KICS2: variants seen among roughly 807,000 people sequenced by gnomAD.
KICS2 encodes the protein KICSTOR subunit 2.
KICS2 carries 13 observed loss-of-function variants against 31.4 expected under a neutral mutation model. That is an observed-to-expected ratio of 0.41 (90% CI 0.27 to 0.66). The LOEUF (loss-of-function observed/expected upper bound fraction) is 0.66, where lower values mean the gene tolerates loss of function less well. Ranked by LOEUF, KICS2 falls within the 30% of genes least tolerant of loss-of-function variation. The probability of loss-of-function intolerance (pLI) is 0.28; values close to 1 mark genes in which losing one functional copy is unlikely to be tolerated. For synonymous variants in KICS2, 209 were observed against 214.8 expected, an observed-to-expected ratio of 0.97 and a Z score of 0.24; for missense variants, 455 against 545.4, an observed-to-expected ratio of 0.83 and a Z score of 1.65.
intron 2 of KICS2, among the ~76,000 whole-genome samples, chr12:64,214,751 T>C (rs1219777588): frequency 6.6e-6 from 1 of 152,056 alleles, no homozygotes; most frequent in Non-Finnish European, 1.5e-5. Context: ...CATAGTGGCA[T>C]GTGCCTGTAA....
chr12:64,199,632 G>C (rs960743657), intron 2 of KICS2, among the ~76,000 whole-genome samples: 1 of 149,592 alleles, frequency 6.7e-6, no homozygotes, highest in African/African-American at 2.5e-5. Context: ...GAAATAAAGG[G>C]TATCCAATTA....
Position 64,193,450 on chromosome 12 carries a change from T to C in KICS2, c.*392A>G. 1.0e-6 allele frequency: 1 copy of C among 1,002,492 alleles called. No individual in the cohort carries two copies. Among genetic ancestry groups the C allele is most frequent in the Non-Finnish European group, 1.2e-6 (1 of 841,298 alleles). The allele number at this position is 1,002,492 out of a possible 1,614,324, so 62.1% of individuals were successfully genotyped here. A position where few individuals can be genotyped will look rare whatever the true frequency, so the allele number is the denominator to read the frequency against. ...AAGGCCATTTAATATCTCATCCCTA[T>C]TACTCTTCCAAGAAGGAGGGAAACA... On this transcript the variant is annotated 3_prime_UTR_variant, in exon 3 of 3. Transcript: ENST00000398055.
At chr12:64,219,156 A>G (rs1175177033) in intron 1 of KICS2, among the ~76,000 whole-genome samples, 1 of 152,226 alleles carries the variant, frequency 6.6e-6, no homozygotes, top group Non-Finnish European at 1.5e-5. Flanking sequence ...AGGAACGTGT[A>G]AAACATCTTG....
downstream of KICS2, chr12:64,187,495 G>C: frequency 1.3e-6 from 1 of 750,252 alleles, no homozygotes; most frequent in African/African-American, 1.8e-5. Context: ...TGCAGACAAG[G>C]CATTAATGAA....
intron 1 of KICS2, chr12:64,221,693 A>G: frequency 4.3e-6 from 2 of 462,906 alleles, no homozygotes; most frequent in Non-Finnish European, 7.8e-6. Context: ...AACAATGAAG[A>G]CATAGTTTGG....
chr12:64,221,437 AAG>A (rs1276778829), intron 1 of KICS2: 5 of 153,794 alleles, frequency 3.3e-5, no homozygotes, highest in Non-Finnish European at 5.8e-5. Flanking sequence ...ATGAAGTGCT[AAG>A]AGTGTTTACC....
chr12:64,188,120 C>T (rs574131104), downstream of KICS2, among the ~76,000 whole-genome samples: 3 of 152,302 alleles, frequency 2.0e-5, no homozygotes, highest in East Asian at 5.8e-4. Flanking sequence ...CTTTCAGATG[C>T]TGTTTCCCAA....
At chr12:64,215,183 G>GT (rs1220075727) in intron 2 of KICS2, among the ~76,000 whole-genome samples, 1 of 151,596 alleles carries the variant, frequency 6.6e-6, no homozygotes, top group Non-Finnish European at 1.5e-5. Context: ...GGTGTGGCGT[G>GT]TACCTATAAT....
intron 2 of KICS2, among the ~76,000 whole-genome samples, chr12:64,204,089 A>G (rs951179572): frequency 6.6e-6 from 1 of 152,276 alleles, no homozygotes; most frequent in Non-Finnish European, 1.5e-5. Flanking sequence ...CATTATCCTC[A>G]GCAAACTAAC....
chr12:64,196,328 C>A (rs1196086918), intron 2 of KICS2, among the ~76,000 whole-genome samples: 5 of 151,746 alleles, frequency 3.3e-5, no homozygotes, highest in African/African-American at 9.7e-5. Flanking sequence ...AGGCACCCCC[C>A]AGCAGGGGCA....
intron 2 of KICS2, among the ~76,000 whole-genome samples, chr12:64,208,327 T>C (rs2050006832): frequency 6.6e-6 from 1 of 152,218 alleles, no homozygotes; most frequent in Non-Finnish European, 1.5e-5. Context: ...TTTCTTTCTT[T>C]GTACTAAGAA....
At chr12:64,215,058 C>A (rs2037615256) in intron 2 of KICS2, among the ~76,000 whole-genome samples, 1 of 151,910 alleles carries the variant, frequency 6.6e-6, no homozygotes, top group Non-Finnish European at 1.5e-5. Flanking sequence ...GTAATCCCAG[C>A]ACTTTGGGAG....
intron 2 of KICS2, among the ~76,000 whole-genome samples, chr12:64,198,963 G>C (rs1236729677): frequency 6.7e-6 from 1 of 149,458 alleles, no homozygotes; most frequent in African/African-American, 2.5e-5. Flanking sequence ...ATAATCGATA[G>C]TTTACCAACC....
intron 1 of KICS2, among the ~76,000 whole-genome samples, chr12:64,221,253 C>T (rs1180314723): frequency 6.6e-6 from 1 of 152,124 alleles, no homozygotes; most frequent in African/African-American, 2.4e-5. Context: ...GACTCTGAAA[C>T]CCCTAGGATT....
intron 2 of KICS2, among the ~76,000 whole-genome samples, chr12:64,202,452 T>G (rs2037498944): frequency 6.6e-6 from 1 of 152,186 alleles, no homozygotes; most frequent in Middle Eastern, 3.4e-3. Context: ...CACTTTATAT[T>G]GTGACCAAGT....
In KICS2 at chr12:64,194,172, G is replaced by A; in HGVS notation, c.1008C>T (p.Tyr336=). The A allele has an allele frequency of 6.2e-7, 1 of 1,614,140 alleles. No individual in the cohort carries two copies. The highest frequency in any genetic ancestry group is 2.2e-5 in the East Asian group (1 of 44,880). The change falls in exon 3 of 3, where the codon TAC becomes TAT. Residue 336 remains tyrosine (Y), a synonymous_variant. Transcript: ENST00000398055. ...QGHGYHHPHS[Y]REAPKGVDQY... is the part of the protein sequence containing the mutation. ...GGTCCACACCCTTGGGGGCCTCTCT[G>A]TAGGAATGGGGGTGGTGATAACCAT...
In KICS2 at chr12:64,193,816, T is replaced by C; in HGVS notation, c.*26A>G. On this transcript the variant is annotated 3_prime_UTR_variant, in exon 3 of 3. Coordinates refer to ENST00000398055, the MANE Select transcript of KICS2 (RefSeq NM_152440.5). ...GGCAATTAAGAACAGTTTCTAGTCT[T>C]GAAACCCCTCCACGCAAATCACCTG... is the stretch of plus-strand genomic sequence containing the variant. 1.3e-6 allele frequency: 2 copies of C among 1,591,688 alleles called. No individual in the cohort carries two copies. Among genetic ancestry groups the C allele is most frequent in the South Asian group, 1.2e-5 (1 of 86,174 alleles).
rs377326868 is a variant in KICS2, at chr12:64,222,146, T to C, written c.92A>G (p.Asp31Gly). 2 of 1,613,910 alleles carry C rather than the reference T, an allele frequency of 1.2e-6. No homozygotes were observed. The highest frequency in any genetic ancestry group is 1.7e-6 in the Non-Finnish European group (2 of 1,179,948). The change falls in exon 1 of 3, where the codon GAC (aspartate) becomes GGC (glycine). Residue 31 changes from aspartate to glycine, a missense_variant. By Grantham distance (94) the Asp-to-Gly change is moderately conservative. Coordinates refer to ENST00000398055, the MANE Select transcript of KICS2 (RefSeq NM_152440.5). Reference sequence around the variant, plus strand: ...CTTCTCCACATTGTCCTTAGCCTTGTCGTAAGAGAAGATACCCAGGTGAGA... The same window carrying C: ...CTTCTCCACATTGTCCTTAGCCTTGCCGTAAGAGAAGATACCCAGGTGAGA... ...FFSHLGIFSY[D>G]KAKDNVEKER...
rs2136696230 is a variant in KICS2 at position 64,203,643 on chromosome 12, C to T, written c.522-8985G>A. Among the ~76,000 whole-genome samples, 3 of 151,726 alleles carry T rather than the reference C, an allele frequency of 2.0e-5. No homozygotes were observed. The East Asian group carries it at 5.8e-4, about 29-fold the overall frequency. On this transcript the variant is annotated intron_variant, in intron 2 of 2. Transcript: ENST00000398055. ...TTGGCTGCTGGTGAAAAAGAAAATG[C>T]TGGTTATCAACTAAACAATTAGAAA... is the stretch of plus-strand genomic sequence containing the variant.
Sources: allele counts gnomAD v4.1 joint callset (sites outside exome capture counted in the v4.1 genomes callset), GRCh38; gene constraint gnomAD v4.1.1; transcripts MANE v1.5; gene names NCBI Gene and HGNC (gene_info 2026-07-23, HGNC 2026-07-21).